Variants in ERC2 observed in about 807,000 individuals in gnomAD.
ERC2 encodes ELKS/RAB6-interacting/CAST family member 2.
In ERC2, 42 loss-of-function variants were observed where a neutral mutation model predicts 114.8. That is an observed-to-expected ratio of 0.37 (90% CI 0.29 to 0.47). The LOEUF is 0.47. Among genes scored for constraint, ERC2 ranks in the 20% least tolerant of loss-of-function variants. The pLI, the probability that ERC2 is intolerant of heterozygous loss-of-function variation, is 0.99. For synonymous variants in ERC2, 454 were observed against 425.5 expected, an observed-to-expected ratio of 1.07 and a Z score of -0.82; for missense variants, 939 against 1,150.7, an observed-to-expected ratio of 0.82 and a Z score of 2.66.
chr3:55,650,019 C>T (rs2060549108), intron 17 of ERC2, among the ~76,000 whole-genome samples: 1 of 152,196 alleles, frequency 6.6e-6, no homozygotes, highest in Admixed American at 6.5e-5. Flanking sequence ...CTTCCACTGC[C>T]CTTGCTGGCC....
intron 3 of ERC2, among the ~76,000 whole-genome samples, chr3:56,217,064 C>T (rs1444977629): frequency 6.6e-6 from 1 of 152,162 alleles, no homozygotes; most frequent in Non-Finnish European, 1.5e-5. Context: ...TGGAAGCATT[C>T]CCTTTTAAAA....
intron 6 of ERC2, among the ~76,000 whole-genome samples, chr3:56,112,432 GACACACACAC>G (rs3052551): frequency 4.7e-4 from 70 of 149,256 alleles, no homozygotes; most frequent in South Asian, 1.5e-3. Context: ...AAGACAGACA[GACACACACAC>G]ACACACACAC....
In ERC2 at chr3:55,812,124, T is replaced by C. The variant is rs867182318; in HGVS notation, c.2564+76265A>G. 2.6e-5 allele frequency among the ~76,000 whole-genome samples: 4 copies of C among 152,296 alleles called. No homozygotes were observed. The Middle Eastern group carries it at 0.01, about 389-fold the overall frequency. On this transcript the variant is annotated intron_variant, in intron 14 of 17. Coordinates refer to ENST00000288221, the MANE Select transcript of ERC2 (RefSeq NM_015576.3). ...AGAACATGTGGTGTTTGGTTTTCTG[T>C]TTCTGAGTTAGTTTGCTGAGGATAA... is the stretch of plus-strand genomic sequence containing the variant.
chr3:55,821,320 G>C (rs2149155854), intron 14 of ERC2, among the ~76,000 whole-genome samples: 1 of 152,240 alleles, frequency 6.6e-6, no homozygotes, highest in Non-Finnish European at 1.5e-5. Context: ...GGCCACTGTG[G>C]TCTGTAGAGG....
Position 56,366,496 on chromosome 3 carries a change from C to T in ERC2, c.657+67855G>A, listed in dbSNP as rs1371238770. Reference sequence around the variant, plus strand: ...TTGTGCCTTGCTGTTTGCAGGCTCTCACAGGCTGTCAGGTCTGTGACAACG... The same window carrying T: ...TTGTGCCTTGCTGTTTGCAGGCTCTTACAGGCTGTCAGGTCTGTGACAACG... On this transcript the variant is annotated intron_variant, in intron 2 of 17. Coordinates refer to ENST00000288221, the MANE Select transcript of ERC2 (RefSeq NM_015576.3). Among the ~76,000 whole-genome samples the T allele has an allele frequency of 3.9e-5, 6 of 152,202 alleles. No homozygotes were observed. The East Asian group carries it at 1.2e-3, about 29-fold the overall frequency.
rs71099612 is a variant in ERC2 at position 56,033,030 on chromosome 3, C to CAGAAAGAAAGAAAGAA, written c.1642-14015_1642-14000dup. ...AAGAAAGAAAGAAAGAAAAAAGAAA[C>CAGAAAGAAAGAAAGAA]AGAAAGAAAGAAAGAAAGAAAGAAA... On this transcript the variant is annotated intron_variant, in intron 7 of 17. Coordinates refer to ENST00000288221, the MANE Select transcript of ERC2 (RefSeq NM_015576.3). Among the ~76,000 whole-genome samples, 545 of 65,198 alleles carry CAGAAAGAAAGAAAGAA rather than the reference C, an allele frequency of 8.4e-3. 6 individuals are homozygous for CAGAAAGAAAGAAAGAA. The highest frequency in any genetic ancestry group is 0.012 in the Middle Eastern group (2 of 166). The allele number at this position is 65,198 out of a possible 152,430, so 42.8% of individuals were successfully genotyped here. A position where few individuals can be genotyped will look rare whatever the true frequency, so the allele number is the denominator to read the frequency against.
chr3:55,670,265 T>A (rs571114070), intron 17 of ERC2, among the ~76,000 whole-genome samples: 86 of 152,218 alleles, frequency 5.6e-4, no homozygotes, highest in Non-Finnish European at 1.1e-3. Flanking sequence ...GACTGGACAT[T>A]CTACTCATGA....
At chr3:55,943,167 C>G in intron 13 of ERC2, among the ~76,000 whole-genome samples, 1 of 152,048 alleles carries the variant, frequency 6.6e-6, no homozygotes, top group East Asian at 1.9e-4. Flanking sequence ...ACGATTGCAC[C>G]CTAGGGATTA....
Position 56,187,837 on chromosome 3 carries a change from C to G in ERC2, c.1075-14317G>C, listed in dbSNP as rs766386144. Among the ~76,000 whole-genome samples the G allele has an allele frequency of 2.6e-5, 4 of 152,126 alleles. No homozygotes were observed. The South Asian group carries it at 8.3e-4, about 32-fold the overall frequency. On this transcript the variant is annotated intron_variant, in intron 3 of 17. Transcript: ENST00000288221. The stretch of plus-strand genomic sequence containing the variant: ...CAAACATGTAGTATAAATGTCAACT[C>G]GCTAGCCCTAAAGTGCAGTACCAAT...
intron 17 of ERC2, among the ~76,000 whole-genome samples, chr3:55,575,634 T>G (rs1268939394): frequency 6.6e-6 from 1 of 152,228 alleles, no homozygotes; most frequent in Non-Finnish European, 1.5e-5. Flanking sequence ...GCCCAGTTCC[T>G]GGCCCCAGAG....
chr3:56,119,907 G>A (rs1198660246), intron 6 of ERC2, among the ~76,000 whole-genome samples: 3 of 152,084 alleles, frequency 2.0e-5, no homozygotes, highest in East Asian at 1.9e-4. Context: ...TGCCTCCCAG[G>A]GATCTGGAGA....
chr3:55,675,636 C>T (rs1219226691), intron 17 of ERC2, among the ~76,000 whole-genome samples: 4 of 152,128 alleles, frequency 2.6e-5, no homozygotes, highest in African/African-American at 7.2e-5. Flanking sequence ...CAGAGCATTA[C>T]GTTGGCCACC....
rs117793066 is a variant in ERC2, at chr3:56,326,319, T to C, written c.658-29884A>G. 2.5e-3 allele frequency among the ~76,000 whole-genome samples: 375 copies of C among 152,280 alleles called. 10 individuals carry two copies. In the East Asian group the frequency reaches 0.06, roughly 24 times the overall value. On this transcript the variant is annotated intron_variant, in intron 2 of 17. Transcript: ENST00000288221. ...ACAGGAGCACAGAGTAGGGAAGTCA[T>C]AGAAATGCCCTAAAGGAGCAGTGAA...
intron 14 of ERC2, among the ~76,000 whole-genome samples, chr3:55,768,721 G>A (rs1495366): frequency 0.38 from 57,451 of 151,934 alleles, 11,600 homozygotes; most frequent in African/African-American, 0.5. Context: ...CTTAGAAGAA[G>A]CAAGCCAATG....
At chr3:55,645,341 G>A (rs2060348929) in intron 17 of ERC2, among the ~76,000 whole-genome samples, 1 of 151,946 alleles carries the variant, frequency 6.6e-6, no homozygotes, top group Non-Finnish European at 1.5e-5. Context: ...ATTTTTTTAA[G>A]AGTCTGCAAA....
intron 4 of ERC2, among the ~76,000 whole-genome samples, chr3:56,155,392 A>C (rs1478871806): frequency 1.3e-5 from 2 of 151,658 alleles, no homozygotes; most frequent in Admixed American, 6.6e-5. Flanking sequence ...AAATAACCGC[A>C]TGACTGGATG....
In ERC2 at chr3:55,816,755, G is replaced by A. The variant is rs187794894; in HGVS notation, c.2564+71634C>T. ...ATTCTACAGAACTATTTTATCTGGG[G>A]AAAACAAAAACAAAAACAAAAAAAA... is the stretch of plus-strand genomic sequence containing the variant. On this transcript the variant is annotated intron_variant, in intron 14 of 17. Coordinates refer to ENST00000288221, the MANE Select transcript of ERC2 (RefSeq NM_015576.3). Among the ~76,000 whole-genome samples, 890 of 151,058 alleles carry A rather than the reference G, an allele frequency of 5.9e-3. 4 individuals are homozygous for A. Among genetic ancestry groups the A allele is most frequent in the Middle Eastern group, 0.01 (3 of 294 alleles).
chr3:55,606,435 T>A (rs1449592781), intron 17 of ERC2, among the ~76,000 whole-genome samples: 1 of 150,210 alleles, frequency 6.7e-6, no homozygotes, highest in Non-Finnish European at 1.5e-5. Context: ...TCATAGGCCT[T>A]GGAAAGCAAA....
At chr3:56,054,121 A>G (rs751242121) in intron 7 of ERC2, among the ~76,000 whole-genome samples, 20 of 152,234 alleles carry the variant, frequency 1.3e-4, no homozygotes, top group Non-Finnish European at 1.5e-5. Context: ...GCTTAAAGTT[A>G]TACTCTCTGG....
Sources: gnomAD v4.1 joint callset for allele counts (sites outside exome capture counted in the v4.1 genomes callset) on GRCh38, gnomAD v4.1.1 for gene constraint, MANE v1.5 for transcripts, NCBI Gene and HGNC (gene_info 2026-07-23, HGNC 2026-07-21) for gene names.